The following SORCS3 variants were observed in gnomAD, a reference collection of about 807,000 sequenced individuals.
SORCS3 encodes the protein sortilin related VPS10 domain containing receptor 3, also known as VPS10 domain-containing receptor SorCS3.
SORCS3 carries 57 observed loss-of-function variants against 146.3 expected under a neutral mutation model. The ratio of observed to expected loss-of-function variants is 0.39; its 90% CI spans 0.31 to 0.49. The LOEUF is 0.49. Ranked by LOEUF, SORCS3 falls within the 20% of genes least tolerant of loss-of-function variation. SORCS3 has a pLI of 0.92. For synonymous variants in SORCS3, 653 were observed against 618.5 expected, an observed-to-expected ratio of 1.06 and a Z score of -0.83; for missense variants, 1,341 against 1,575.5, an observed-to-expected ratio of 0.85 and a Z score of 2.52.
chr10:104,982,588 T>C (rs1414279895), intron 4 of SORCS3, among the ~76,000 whole-genome samples: 4 of 152,192 alleles, frequency 2.6e-5, no homozygotes. Context: ...GCATTTTTAT[T>C]AGGTCCTTTT....
chr10:105,044,463 A>G (rs2055356390), intron 5 of SORCS3, among the ~76,000 whole-genome samples: 1 of 152,108 alleles, frequency 6.6e-6, no homozygotes, highest in Non-Finnish European at 1.5e-5. Flanking sequence ...TAAATATCTT[A>G]TGAACACTCC....
chr10:104,641,772 G>A lies in SORCS3; in HGVS notation c.445G>A (p.Ala149Thr), dbSNP rs1400325397. 6.5e-7 allele frequency: 1 copy of A among 1,547,758 alleles called. No individual in the cohort carries two copies. The highest frequency in any genetic ancestry group is 1.4e-5 in the African/African-American group (1 of 73,006). Residue 149 changes from alanine to threonine, a missense_variant, in exon 1 of 27, where the codon GCT (alanine) becomes ACT (threonine). Ala to Thr is a moderately conservative substitution (Grantham distance 58). Transcript: ENST00000369701. The surrounding 1 kb of genome is among the most constrained non-coding windows in gnomAD (Gnocchi z 6.4). The part of the protein sequence containing the change: ...TQERGDAWAT[A>T]PADGSRGSRP... Reference sequence around the variant, plus strand: ...GGAACGCGGGGACGCCTGGGCCACTGCTCCGGCCGATGGTTCCAGAGGAAG... The same window carrying A: ...GGAACGCGGGGACGCCTGGGCCACTACTCCGGCCGATGGTTCCAGAGGAAG...
At chr10:105,065,405 C>CA (rs10659911) in intron 5 of SORCS3, among the ~76,000 whole-genome samples, 33,527 of 149,164 alleles carry the variant, frequency 0.22, 4,405 homozygotes, top group African/African-American at 0.37. Flanking sequence ...ATTGCATTTA[C>CA]AAAAAAAAAA....
intron 3 of SORCS3, among the ~76,000 whole-genome samples, chr10:104,942,479 A>T (rs964282378): frequency 2.0e-5 from 3 of 152,244 alleles, no homozygotes; most frequent in African/African-American, 7.2e-5. Context: ...ACAAAACTTG[A>T]GAATGACATT....
chr10:104,929,783 C>G (rs908716276), intron 3 of SORCS3, among the ~76,000 whole-genome samples: 10 of 152,252 alleles, frequency 6.6e-5, no homozygotes. Flanking sequence ...GCTAACCAGT[C>G]TGTCCAGAAT....
intron 2 of SORCS3, among the ~76,000 whole-genome samples, chr10:104,909,288 C>A (rs1280289916): frequency 6.6e-6 from 1 of 152,030 alleles, no homozygotes; most frequent in Non-Finnish European, 1.5e-5. Context: ...CTTTAAATGG[C>A]CGGAAAGGGG....
At chr10:105,242,767 A>G (rs1476861581) in intron 20 of SORCS3, among the ~76,000 whole-genome samples, 1 of 101,624 alleles carries the variant, frequency 9.8e-6, no homozygotes, top group Non-Finnish European at 1.7e-5. Context: ...TATTTTATAT[A>G]TTTTATATAT....
intron 5 of SORCS3, among the ~76,000 whole-genome samples, chr10:105,047,809 C>T (rs1281126017): frequency 2.6e-5 from 4 of 152,042 alleles, no homozygotes; most frequent in South Asian, 2.1e-4. Flanking sequence ...AGCAGCTTCT[C>T]ATCTGGTTTT....
chr10:104,899,791 G>A (rs1473294387), intron 2 of SORCS3, among the ~76,000 whole-genome samples: 1 of 152,012 alleles, frequency 6.6e-6, no homozygotes, highest in African/African-American at 2.4e-5. Flanking sequence ...ATAATAGAAG[G>A]CATTTATTGA....
Position 105,048,127 on chromosome 10 carries a change from G to A in SORCS3, c.1028+4999G>A, listed in dbSNP as rs371276895. 8.6e-5 allele frequency among the ~76,000 whole-genome samples: 13 copies of A among 151,716 alleles called. No homozygotes were observed. In the East Asian group the frequency reaches 2.0e-3, roughly 23 times the overall value. On this transcript the variant is annotated intron_variant, in intron 5 of 26. Transcript: ENST00000369701. ...CAACCATTGTGGAAGTCAGTGTGGCGATTCCTCAGGGATCTAGAACTAGAA... is the reference window on the plus strand; with the variant it reads ...CAACCATTGTGGAAGTCAGTGTGGCAATTCCTCAGGGATCTAGAACTAGAA...
intron 8 of SORCS3, among the ~76,000 whole-genome samples, chr10:105,145,700 T>C (rs1299403130): frequency 6.6e-6 from 1 of 152,046 alleles, no homozygotes; most frequent in Non-Finnish European, 1.5e-5. Context: ...AAGAGTAAGC[T>C]TTTTTTCCCA....
intron 5 of SORCS3, among the ~76,000 whole-genome samples, chr10:105,062,082 A>T (rs1455178215): frequency 6.6e-6 from 1 of 152,220 alleles, no homozygotes; most frequent in Non-Finnish European, 1.5e-5. Flanking sequence ...TTTTCCTAAG[A>T]GGCAAGATTA....
chr10:105,052,456 C>A (rs1296359037), intron 5 of SORCS3, among the ~76,000 whole-genome samples: 1 of 152,110 alleles, frequency 6.6e-6, no homozygotes, highest in Non-Finnish European at 1.5e-5. Context: ...ATAGTGAAAT[C>A]TAACTTTATT....
intron 1 of SORCS3, among the ~76,000 whole-genome samples, chr10:104,654,222 G>A (rs1023458607): frequency 5.9e-5 from 9 of 152,170 alleles, no homozygotes; most frequent in African/African-American, 1.9e-4. Context: ...CAGTCAGGTT[G>A]CTTCCAAATC....
intron 1 of SORCS3, among the ~76,000 whole-genome samples, chr10:104,799,541 T>C (rs934415367): frequency 1.3e-5 from 2 of 151,764 alleles, no homozygotes; most frequent in Non-Finnish European, 2.9e-5. Context: ...CCAGGGCCTG[T>C]TGGGGGTTGG....
At chr10:104,669,042 A>C (rs560481434) in intron 1 of SORCS3, among the ~76,000 whole-genome samples, 19 of 152,276 alleles carry the variant, frequency 1.2e-4, no homozygotes, top group Admixed American at 1.1e-3. Context: ...AGTGTTAAGA[A>C]CAAGCACTGC....
At chr10:105,068,981 C>T (rs1172626676) in intron 5 of SORCS3, among the ~76,000 whole-genome samples, 3 of 152,182 alleles carry the variant, frequency 2.0e-5, no homozygotes, top group African/African-American at 7.2e-5. Flanking sequence ...AGAATATGCT[C>T]ACCTGATTTT....
intron 5 of SORCS3, among the ~76,000 whole-genome samples, chr10:105,062,967 A>T (rs2133719668): frequency 6.6e-6 from 1 of 152,296 alleles, no homozygotes; most frequent in East Asian, 1.9e-4. Flanking sequence ...TGAACTAGGA[A>T]GTGGGTGGAA....
chr10:104,724,819 A>C (rs1013709728), intron 1 of SORCS3, among the ~76,000 whole-genome samples: 5 of 152,230 alleles, frequency 3.3e-5, no homozygotes, highest in Admixed American at 1.3e-4. Context: ...TGTGGTTTTC[A>C]GCTCCATCAG....
Sources: gnomAD v4.1 joint callset for allele counts (sites outside exome capture counted in the v4.1 genomes callset) on GRCh38, gnomAD v4.1.1 for gene constraint, Gnocchi (gnomAD v3.1) non-coding constraint, MANE v1.5 for transcripts, NCBI Gene and HGNC (gene_info 2026-07-23, HGNC 2026-07-21) for gene names.